CMTM8: variants seen among roughly 807,000 people sequenced by gnomAD.
The protein encoded by CMTM8 is CKLF like MARVEL transmembrane domain containing 8.
Under a neutral mutation model 18.6 loss-of-function variants are expected in CMTM8, and 12 were observed. The observed-to-expected ratio is 0.65, with a 90% CI of 0.41 to 1.05. The LOEUF is 1.05. Among genes scored for constraint, CMTM8 ranks in the 50% least tolerant of loss-of-function variants. The pLI is 0.00. For synonymous variants in CMTM8, 87 were observed against 90.6 expected (o/e 0.96, Z 0.23); for missense variants, 217 against 227.2 (o/e 0.95, Z 0.29).
chr3:32,298,852 T>C (rs1289993073), intron 1 of CMTM8, among the ~76,000 whole-genome samples: 3 of 140,056 alleles, frequency 2.1e-5, no homozygotes, highest in East Asian at 2.1e-4. Flanking sequence ...TGTGTGTATA[T>C]ACACACACAC....
At chr3:32,315,223 A>C (rs200333150) in intron 1 of CMTM8, among the ~76,000 whole-genome samples, 2 of 150,454 alleles carry the variant, frequency 1.3e-5, no homozygotes, top group East Asian at 3.9e-4. Context: ...TCTGCCTCCC[A>C]GGTTCAAGTG....
At chr3:32,327,072 TC>T (rs1696174543) in intron 1 of CMTM8, among the ~76,000 whole-genome samples, 1 of 151,488 alleles carries the variant, frequency 6.6e-6, no homozygotes, top group Admixed American at 6.6e-5. Flanking sequence ...TGTCCTGGTG[TC>T]CAGTAACCTT....
chr3:32,344,234 A>G (rs1696553053), intron 1 of CMTM8, among the ~76,000 whole-genome samples: 1 of 152,218 alleles, frequency 6.6e-6, no homozygotes, highest in Non-Finnish European at 1.5e-5. Flanking sequence ...TCACCAGAAC[A>G]ATGCAAATCC....
chr3:32,255,448 C>T (rs1439476241), intron 1 of CMTM8, among the ~76,000 whole-genome samples: 1 of 152,142 alleles, frequency 6.6e-6, no homozygotes, highest in Non-Finnish European at 1.5e-5. Context: ...AAGATTCCCA[C>T]CCATATTACT....
chr3:32,318,055 CAAAAAAAAA>C (rs60403582), intron 1 of CMTM8, among the ~76,000 whole-genome samples: 2 of 85,804 alleles, frequency 2.3e-5, no homozygotes, highest in Non-Finnish European at 4.8e-5. Flanking sequence ...AACTCTGTCT[CAAAAAAAAA>C]AAAAAAAAAA....
Position 32,369,256 on chromosome 3 carries a change from G to C in CMTM8, c.439-628G>C, listed in dbSNP as rs187430851. Among the ~76,000 whole-genome samples, 325 of 152,330 alleles carry C rather than the reference G, an allele frequency of 2.1e-3. 2 individuals are homozygous for C. The highest frequency in any genetic ancestry group is 7.5e-3 in the Admixed American group (114 of 15,302). Reference sequence around the variant, plus strand: ...TTGAACCCAGGAGGCAGAGGTTGCAGTGAGCCAAGATCACGCCATTGCACT... The same window carrying C: ...TTGAACCCAGGAGGCAGAGGTTGCACTGAGCCAAGATCACGCCATTGCACT... On this transcript the variant is annotated intron_variant, in intron 3 of 3. Transcript: ENST00000307526.
At chr3:32,329,787 C>G (rs1353136699) in intron 1 of CMTM8, among the ~76,000 whole-genome samples, 1 of 152,266 alleles carries the variant, frequency 6.6e-6, no homozygotes, top group East Asian at 1.9e-4. Flanking sequence ...AAATAAAAGA[C>G]ATCCAAATAG....
At chr3:32,242,149 C>T (rs964075977) in intron 1 of CMTM8, among the ~76,000 whole-genome samples, 1 of 152,212 alleles carries the variant, frequency 6.6e-6, no homozygotes, top group African/African-American at 2.4e-5. Flanking sequence ...GGGGGACACA[C>T]AGCCTCTTGT....
intron 1 of CMTM8, among the ~76,000 whole-genome samples, chr3:32,301,037 A>G (rs1695603227): frequency 6.6e-6 from 1 of 152,170 alleles, no homozygotes; most frequent in Non-Finnish European, 1.5e-5. Flanking sequence ...CAGGTCTTAT[A>G]AAAACAAATG....
intron 1 of CMTM8, among the ~76,000 whole-genome samples, chr3:32,293,473 G>A (rs527687555): frequency 8.5e-5 from 13 of 152,170 alleles, no homozygotes; most frequent in South Asian, 2.1e-4. Flanking sequence ...GCTTGAATCC[G>A]GGAGGCGGAG....
chr3:32,316,928 C>T (rs186888233), intron 1 of CMTM8, among the ~76,000 whole-genome samples: 756 of 152,274 alleles, frequency 5.0e-3, no homozygotes, highest in Non-Finnish European at 8.1e-3. Context: ...ATAATTTACT[C>T]CTAAAAATGC....
intron 1 of CMTM8, among the ~76,000 whole-genome samples, chr3:32,263,280 C>T (rs545600254): frequency 2.0e-5 from 3 of 152,314 alleles, no homozygotes; most frequent in East Asian, 1.9e-4. Context: ...CAGGCAGCAA[C>T]GTTTGCATTT....
Position 32,352,315 on chromosome 3 carries a change from A to G in CMTM8, c.148-5058A>G, listed in dbSNP as rs9877075. Among the ~76,000 whole-genome samples the G allele has an allele frequency of 6.7e-3, 1,019 of 152,326 alleles. 14 individuals carry two copies. Among genetic ancestry groups the G allele is most frequent in the African/African-American group, 0.023 (969 of 41,572 alleles). On this transcript the variant is annotated intron_variant, in intron 1 of 3. Transcript: ENST00000307526. ...GCTCTACTGTCCTCGACACTGATGA[A>G]GAAAAATGCAAATTAAAGTAGAAAC...
At chr3:32,322,626 A>G (rs1375717646) in intron 1 of CMTM8, among the ~76,000 whole-genome samples, 3 of 152,108 alleles carry the variant, frequency 2.0e-5, no homozygotes, top group African/African-American at 7.2e-5. Flanking sequence ...GGGCATGTTC[A>G]CTTACTGTGA....
chr3:32,269,251 T>G (rs1474170032), intron 1 of CMTM8, among the ~76,000 whole-genome samples: 1 of 152,198 alleles, frequency 6.6e-6, no homozygotes, highest in African/African-American at 2.4e-5. Context: ...GCTTTGAAGC[T>G]CTGACCTTCT....
intron 1 of CMTM8, among the ~76,000 whole-genome samples, chr3:32,333,398 A>G (rs115970961): frequency 1.0e-3 from 158 of 152,250 alleles, no homozygotes; most frequent in Middle Eastern, 3.4e-3. Context: ...CATCACCAGA[A>G]AGCTTGTTAG....
chr3:32,259,490 C>T (rs896093435), intron 1 of CMTM8: 3 of 779,850 alleles, frequency 3.8e-6, no homozygotes, highest in East Asian at 2.4e-5. Context: ...CATTCATGGG[C>T]TCTTCAAGGT....
intron 1 of CMTM8, among the ~76,000 whole-genome samples, chr3:32,263,856 G>A (rs183001627): frequency 6.6e-6 from 1 of 152,288 alleles, no homozygotes; most frequent in East Asian, 1.9e-4. Flanking sequence ...ATCAGTGATG[G>A]AAGATCAAAT....
At chr3:32,295,517 TG>T (rs1702863891) in intron 1 of CMTM8, among the ~76,000 whole-genome samples, 1 of 146,168 alleles carries the variant, frequency 6.8e-6, no homozygotes, top group Admixed American at 7.0e-5. Context: ...CCTGTCTTTG[TG>T]GAGCTTGCAT....
Sources: gnomAD v4.1 joint callset for allele counts (sites outside exome capture counted in the v4.1 genomes callset) on GRCh38, gnomAD v4.1.1 for gene constraint, MANE v1.5 for transcripts, NCBI Gene and HGNC (gene_info 2026-07-23, HGNC 2026-07-21) for gene names.